Variants in TASP1 observed in about 807,000 individuals in gnomAD.
TASP1 encodes the protein threonine aspartase 1.
A neutral mutation model predicts 56.6 loss-of-function variants in TASP1; 16 were observed. The ratio of observed to expected loss-of-function variants is 0.28; its 90% CI spans 0.19 to 0.43. TASP1 has a LOEUF of 0.43. Among genes scored for constraint, TASP1 ranks in the 20% least tolerant of loss-of-function variants. The pLI, the probability that TASP1 is intolerant of heterozygous loss-of-function variation, is 1.00. For synonymous variants in TASP1, 179 were observed against 184.2 expected (o/e 0.97, Z 0.23); for missense variants, 393 against 511.6 (o/e 0.77, Z 2.24).
chr20:13,280,702 G>C, the TASP1 span, among the ~76,000 whole-genome samples: 1 of 152,190 alleles, frequency 6.6e-6, no homozygotes, highest in African/African-American at 2.4e-5. Flanking sequence ...CCCTCAGCCT[G>C]GAGGTGACAC....
At chr20:13,528,039 T>C (rs2045053747) in intron 10 of TASP1, among the ~76,000 whole-genome samples, 1 of 151,674 alleles carries the variant, frequency 6.6e-6, no homozygotes, top group African/African-American at 2.4e-5. Context: ...CTGGCCAACA[T>C]GGCAAAACCC....
At position 13,534,131 on chromosome 20, in the gene TASP1, G is replaced by A. The variant is rs2045327236; in HGVS notation, c.686C>T (p.Ser229Leu). The A allele has an allele frequency of 6.2e-7, 1 of 1,613,424 alleles. No homozygotes were observed. Among genetic ancestry groups the A allele is most frequent in the African/African-American group, 1.3e-5 (1 of 74,974 alleles). ...RRQSSEKEND[S>L]GTLDTVGAVV... ...AGCGCCTACCGTGTCCAAAGTGCCT[G>A]AGTCATTTTCCTGCAGAGCAAAAGT... The change falls in exon 9 of 14, where the codon TCA becomes TTA. Residue 229 changes from serine to leucine, a missense_variant. By Grantham distance (145) the Ser-to-Leu change is moderately radical. Transcript: ENST00000337743.
chr20:13,435,266 T>C, intron 11 of TASP1, 112 bp from the exon 12 acceptor site: 1 of 779,198 alleles, frequency 1.3e-6, no homozygotes, highest in Non-Finnish European at 2.1e-6. Flanking sequence ...ATGCCCATTT[T>C]CTGATAATCA....
At chr20:13,598,348 G>C (rs1470972727) in intron 4 of TASP1, among the ~76,000 whole-genome samples, 5 of 152,046 alleles carry the variant, frequency 3.3e-5, no homozygotes, top group African/African-American at 1.2e-4. Flanking sequence ...TAGACCAATG[G>C]AACAGAACAG....
chr20:13,531,555 T>C (rs1385485288), intron 9 of TASP1, among the ~76,000 whole-genome samples: 2 of 151,324 alleles, frequency 1.3e-5, no homozygotes, highest in East Asian at 1.9e-4. Flanking sequence ...TGCAGTGGCA[T>C]GTTTGGCTCA....
intron 11 of TASP1, among the ~76,000 whole-genome samples, chr20:13,479,476 T>C (rs1421279792): frequency 6.6e-6 from 1 of 152,040 alleles, no homozygotes; most frequent in Admixed American, 6.6e-5. Context: ...TTTTTTTTTT[T>C]TTTGAGACAG....
At chr20:13,401,928 T>C (rs1248289736) in intron 13 of TASP1, among the ~76,000 whole-genome samples, 4 of 152,214 alleles carry the variant, frequency 2.6e-5, no homozygotes. Context: ...GGTTCACATC[T>C]GTGACTGATA....
chr20:13,263,053 T>G, the TASP1 span, among the ~76,000 whole-genome samples: 1 of 152,162 alleles, frequency 6.6e-6, no homozygotes, highest in Non-Finnish European at 1.5e-5. Context: ...CTCAGGGCTG[T>G]CGTCAGAGTG....
chr20:13,110,669 T>C, the TASP1 span, among the ~76,000 whole-genome samples: 19 of 152,098 alleles, frequency 1.2e-4, no homozygotes, highest in Non-Finnish European at 2.5e-4. Context: ...GTGATTGCCA[T>C]CAATACAAAA....
the TASP1 span, among the ~76,000 whole-genome samples, chr20:13,226,946 TC>T: frequency 2.7e-4 from 41 of 152,274 alleles, no homozygotes; most frequent in East Asian, 7.5e-3. Flanking sequence ...ATCATAGGCA[TC>T]TTTTTATCTT....
Position 13,483,209 on chromosome 20 carries a change from T to C in TASP1, c.985+18A>G, listed in dbSNP as rs371422618. On this transcript the variant is annotated intron_variant, in intron 11 of 13. Coordinates refer to ENST00000337743, the MANE Select transcript of TASP1 (RefSeq NM_017714.3). The stretch of plus-strand genomic sequence containing the variant: ...AATCCATATTTAGAAGATGTAATCT[T>C]CTTAATGTTATACTTACTGATAAAC... 6 of 1,523,090 alleles carry C rather than the reference T, an allele frequency of 3.9e-6. No individual in the cohort carries two copies. The Admixed American group carries it at 1.0e-4, about 25-fold the overall frequency. 94.3% of individuals were successfully genotyped at this position (1,523,090 alleles called of 1,614,324 possible).
At chr20:13,608,344 G>C (rs2048232521) in intron 4 of TASP1, among the ~76,000 whole-genome samples, 1 of 152,120 alleles carries the variant, frequency 6.6e-6, no homozygotes, top group Admixed American at 6.5e-5. Context: ...TTCAAGAATT[G>C]GATGGTTAAA....
the TASP1 span, among the ~76,000 whole-genome samples, chr20:13,193,667 G>C: frequency 6.6e-6 from 1 of 152,176 alleles, no homozygotes; most frequent in Non-Finnish European, 1.5e-5. Flanking sequence ...GCAGTTTCTC[G>C]TATGGGTTCA....
intron 13 of TASP1, among the ~76,000 whole-genome samples, chr20:13,414,281 G>C (rs1055011439): frequency 6.6e-6 from 1 of 152,170 alleles, no homozygotes. Flanking sequence ...TACATTTCCA[G>C]ATGGAATACT....
chr20:13,198,743 T>C, the TASP1 span, among the ~76,000 whole-genome samples: 1 of 152,212 alleles, frequency 6.6e-6, no homozygotes, highest in South Asian at 2.1e-4. Context: ...CACTGCTCTG[T>C]TCATTGTTTT....
intron 11 of TASP1, among the ~76,000 whole-genome samples, chr20:13,451,045 C>G (rs1047473070): frequency 6.6e-6 from 1 of 152,028 alleles, no homozygotes; most frequent in Non-Finnish European, 1.5e-5. Flanking sequence ...CCATCAGAAC[C>G]CTTGGACGAC....
the TASP1 span, among the ~76,000 whole-genome samples, chr20:13,140,184 T>C: frequency 5.4e-3 from 826 of 152,302 alleles, 6 homozygotes; most frequent in African/African-American, 0.015. Flanking sequence ...TTAAGGACTT[T>C]TTTTCTTTGA....
At chr20:13,341,384 C>T in the TASP1 span, among the ~76,000 whole-genome samples, 2 of 152,168 alleles carry the variant, frequency 1.3e-5, no homozygotes, top group African/African-American at 4.8e-5. Context: ...TAGAATCACA[C>T]AGAGCTGAAT....
At chr20:13,546,383 A>G (rs1218856195) in intron 8 of TASP1, among the ~76,000 whole-genome samples, 1 of 152,218 alleles carries the variant, frequency 6.6e-6, no homozygotes, top group Non-Finnish European at 1.5e-5. Context: ...AGGATATTTT[A>G]CAAACCTCAA....
Sources: gnomAD v4.1 joint callset for allele counts (sites outside exome capture counted in the v4.1 genomes callset) on GRCh38, gnomAD v4.1.1 for gene constraint, MANE v1.5 for transcripts, NCBI Gene and HGNC (gene_info 2026-07-23, HGNC 2026-07-21) for gene names.